SIDT1: variants seen among roughly 807,000 people sequenced by gnomAD.
The protein encoded by SIDT1 is SID1 transmembrane family, member 1.
A neutral mutation model predicts 107.5 loss-of-function variants in SIDT1; 101 were observed. That is an observed-to-expected ratio of 0.94 (90% CI 0.80 to 1.11). The LOEUF (loss-of-function observed/expected upper bound fraction) is 1.11, where lower values mean the gene tolerates loss of function less well. SIDT1 is among the 50% of genes least tolerant of loss of function. SIDT1 has a pLI of 0.00. For synonymous variants in SIDT1, 395 were observed against 398.2 expected (o/e 0.99, Z 0.10); for missense variants, 1,076 against 1,058.2 (o/e 1.02, Z -0.23).
chr3:113,584,781 C>T lies in SIDT1; in HGVS notation c.907+12C>T. ...CCCTTCCATTAAAGGTCAGTGTTGGCTCCAGAATGCATTGAAGAGATTCCT... is the reference window on the plus strand; with the variant it reads ...CCCTTCCATTAAAGGTCAGTGTTGGTTCCAGAATGCATTGAAGAGATTCCT... On this transcript the variant is annotated intron_variant, in intron 8 of 24. Transcript: ENST00000264852. 1 of 1,556,472 alleles carries T rather than the reference C, an allele frequency of 6.4e-7. No homozygotes were observed. Among genetic ancestry groups the T allele is most frequent in the Non-Finnish European group, 8.7e-7 (1 of 1,152,220 alleles).
At chr3:113,608,606 G>A (rs1445614328) in intron 17 of SIDT1, 70 bp downstream of exon 17, 5 of 1,110,670 alleles carry the variant, frequency 4.5e-6, no homozygotes, top group Admixed American at 3.4e-5. Context: ...CCCCAAAAAT[G>A]CCAAAGTCAT....
Position 113,532,971 on chromosome 3 carries a change from C to T in SIDT1, c.-51C>T. ...GCTTTGGAAGGACCCTCTCTGCGCTCGCCCCCTCCCCAGGGTGGCTCCGCT... is the reference window on the plus strand; with the variant it reads ...GCTTTGGAAGGACCCTCTCTGCGCTTGCCCCCTCCCCAGGGTGGCTCCGCT... On this transcript the variant is annotated 5_prime_UTR_variant, in exon 1 of 25. Coordinates refer to ENST00000264852, the MANE Select transcript of SIDT1 (RefSeq NM_017699.3). 2 of 1,226,654 alleles carry T rather than the reference C, an allele frequency of 1.6e-6. No individual in the cohort carries two copies. The highest frequency in any genetic ancestry group is 1.0e-6 in the Non-Finnish European group (1 of 955,784). 76.0% of individuals were successfully genotyped at this position (1,226,654 alleles called of 1,614,324 possible). A position where few individuals can be genotyped will look rare whatever the true frequency, so the allele number is the denominator to read the frequency against.
At chr3:113,569,119 A>G (rs1942205272) in intron 3 of SIDT1, among the ~76,000 whole-genome samples, 1 of 136,446 alleles carries the variant, frequency 7.3e-6, no homozygotes, top group Non-Finnish European at 1.5e-5. Context: ...AGCCTGGGTG[A>G]AGGAGTGAGA....
At chr3:113,540,004 CAA>C (rs573816383) in intron 1 of SIDT1, among the ~76,000 whole-genome samples, 8,526 of 87,238 alleles carry the variant, frequency 0.098, 484 homozygotes, top group African/African-American at 0.2. Flanking sequence ...AACTCCGTCT[CAA>C]AAAAAAAAAA....
intron 1 of SIDT1, among the ~76,000 whole-genome samples, chr3:113,534,208 A>T (rs1000000030): frequency 7.2e-5 from 11 of 151,886 alleles, no homozygotes; most frequent in Non-Finnish European, 1.3e-4. Flanking sequence ...CCTCTAGGGA[A>T]ATTCCAGAAC....
At chr3:113,541,996 T>C (rs988104739) in intron 1 of SIDT1, among the ~76,000 whole-genome samples, 1 of 151,118 alleles carries the variant, frequency 6.6e-6, no homozygotes, top group Non-Finnish European at 1.5e-5. Context: ...CGATCTTGAC[T>C]CACTGCAACC....
At chr3:113,592,969 A>G in intron 9 of SIDT1, 36 bp from the exon 10 acceptor site, 2 of 1,541,086 alleles carry the variant, frequency 1.3e-6, no homozygotes, top group East Asian at 2.2e-5. Context: ...TGAGGTTTTC[A>G]CTGTCTTAGG....
At chr3:113,607,139 A>G (rs778235406) in intron 15 of SIDT1, 25 bp downstream of exon 15, 1 of 1,481,056 alleles carries the variant, frequency 6.8e-7, no homozygotes, top group African/African-American at 1.4e-5. Context: ...CTGGTTGCCC[A>G]TGAGGCATTT....
At chr3:113,571,946 A>C (rs4682495) in intron 3 of SIDT1, among the ~76,000 whole-genome samples, 66,643 of 151,702 alleles carry the variant, frequency 0.44, 14,952 homozygotes, top group East Asian at 0.67. Flanking sequence ...CACACACACA[A>C]AAAAAATTAA....
In SIDT1 at chr3:113,581,373, G is replaced by A. The variant is rs948969375; in HGVS notation, c.676G>A (p.Asp226Asn). 1 of 1,613,496 alleles carries A rather than the reference G, an allele frequency of 6.2e-7. No individual in the cohort carries two copies. Among genetic ancestry groups the A allele is most frequent in the South Asian group, 1.1e-5 (1 of 91,054 alleles). ...ATGCATGCTGCAGTGCCCGGTGTAT[G>A]ATCTCGACCACAATGTGGAATTTAA... ...SVQNIMCPVY[D>N]LDHNVEFNGV... Residue 226 changes from aspartate to asparagine, a missense_variant, in exon 6 of 25, where the codon GAT becomes AAT. Coordinates refer to ENST00000264852, the MANE Select transcript of SIDT1 (RefSeq NM_017699.3).
intron 24 of SIDT1, 92 bp downstream of exon 24, chr3:113,626,307 CCTCT>C (rs538049583): frequency 3.5e-5 from 28 of 802,128 alleles, no homozygotes; most frequent in Non-Finnish European, 4.7e-5. Context: ...TTTTTATATT[CCTCT>C]CTAATTTTAC....
intron 21 of SIDT1, among the ~76,000 whole-genome samples, chr3:113,620,980 T>C (rs1946426720): frequency 6.6e-6 from 1 of 152,188 alleles, no homozygotes; most frequent in Non-Finnish European, 1.5e-5. Flanking sequence ...AAAGGGCCTC[T>C]AGGGATGGAG....
At chr3:113,582,309 G>A (rs1273710404) in intron 6 of SIDT1, among the ~76,000 whole-genome samples, 2 of 152,178 alleles carry the variant, frequency 1.3e-5, no homozygotes, top group African/African-American at 4.8e-5. Flanking sequence ...CCTGCAGCGT[G>A]ATCTGTTCCC....
At chr3:113,591,940 A>G (rs2107595047) in intron 9 of SIDT1, among the ~76,000 whole-genome samples, 1 of 152,374 alleles carries the variant, frequency 6.6e-6, no homozygotes, top group South Asian at 2.1e-4. Context: ...CTATCCGTAC[A>G]ATGGAATATT....
chr3:113,617,304 A>C (rs1282024986), intron 20 of SIDT1, among the ~76,000 whole-genome samples: 1 of 152,230 alleles, frequency 6.6e-6, no homozygotes, highest in Non-Finnish European at 1.5e-5. Flanking sequence ...TGGTTAAAAC[A>C]TACTTCAGTG....
At chr3:113,602,863 G>A in intron 11 of SIDT1, 142 bp from the exon 12 acceptor site, 1 of 764,646 alleles carries the variant, frequency 1.3e-6, no homozygotes. Context: ...TAGAGAGAAA[G>A]AACAGGTCTT....
intron 1 of SIDT1, among the ~76,000 whole-genome samples, chr3:113,547,541 G>A (rs1052523688): frequency 1.3e-5 from 2 of 152,060 alleles, no homozygotes; most frequent in Non-Finnish European, 2.9e-5. Context: ...TAGAAAGAAG[G>A]ACATGGAGAT....
At chr3:113,537,290 T>C (rs948929716) in intron 1 of SIDT1, among the ~76,000 whole-genome samples, 2 of 152,220 alleles carry the variant, frequency 1.3e-5, no homozygotes, top group Non-Finnish European at 2.9e-5. Context: ...AACCCTCATC[T>C]TCATTAATAT....
chr3:113,584,228 C>T (rs553217519), intron 7 of SIDT1, among the ~76,000 whole-genome samples: 1 of 152,318 alleles, frequency 6.6e-6, no homozygotes, highest in South Asian at 2.1e-4. Context: ...CTCTTAATTA[C>T]ATGGCTCCAA....
Sources: gnomAD v4.1 joint callset for allele counts (sites outside exome capture counted in the v4.1 genomes callset) on GRCh38, gnomAD v4.1.1 for gene constraint, MANE v1.5 for transcripts, NCBI Gene and HGNC (gene_info 2026-07-23, HGNC 2026-07-21) for gene names.